MCF2L2: variants seen among roughly 807,000 people sequenced by gnomAD.
MCF2L2 encodes probable guanine nucleotide exchange factor MCF2L2.
MCF2L2 carries 102 observed loss-of-function variants against 150.2 expected under a neutral mutation model. The observed-to-expected ratio is 0.68, with a 90% CI of 0.58 to 0.80. MCF2L2 has a LOEUF of 0.80. Ranked by LOEUF, MCF2L2 falls within the 30% of genes least tolerant of loss-of-function variation. The probability of loss-of-function intolerance (pLI) is 0.00; values close to 1 mark genes in which losing one functional copy is unlikely to be tolerated. For missense variants in MCF2L2, 1,256 were observed against 1,372.8 expected (o/e 0.91, Z 1.34); for synonymous variants, 465 against 491.3 (o/e 0.95, Z 0.71).
chr3:183,373,611 G>C (rs1713017224), intron 3 of MCF2L2: 1 of 152,000 alleles, frequency 6.6e-6, no homozygotes, highest in Admixed American at 6.6e-5. Flanking sequence ...TCCTAGCACA[G>C]ACACTCTCAT....
intron 20 of MCF2L2, among the ~76,000 whole-genome samples, chr3:183,221,092 G>C (rs548354447): frequency 1.8e-4 from 28 of 152,304 alleles, no homozygotes; most frequent in Middle Eastern, 6.8e-3. Flanking sequence ...CCTGGGGATA[G>C]AGAAGGTCCT....
intron 27 of MCF2L2, among the ~76,000 whole-genome samples, chr3:183,187,923 C>G (rs1298451620): frequency 1.3e-5 from 2 of 152,158 alleles, no homozygotes; most frequent in Admixed American, 6.6e-5. Flanking sequence ...TCCCTTTCTC[C>G]TCATGTCAAT....
intron 1 of MCF2L2, among the ~76,000 whole-genome samples, chr3:183,396,022 C>G (rs1714432478): frequency 6.6e-6 from 1 of 151,534 alleles, no homozygotes; most frequent in Non-Finnish European, 1.5e-5. Flanking sequence ...TGCCCAGACC[C>G]TCACTTTGGA....
intron 1 of MCF2L2, among the ~76,000 whole-genome samples, chr3:183,419,261 G>A (rs73186903): frequency 0.085 from 12,918 of 152,222 alleles, 573 homozygotes; most frequent in African/African-American, 0.095. Flanking sequence ...CCCTGGGCCC[G>A]GCCCATACAA....
Position 183,270,090 on chromosome 3 carries a change from C to T in MCF2L2, c.1862+6782G>A. On this transcript the variant is annotated intron_variant, in intron 15 of 29. Transcript: ENST00000328913. The surrounding 1 kb of genome is among the most constrained non-coding windows in gnomAD (Gnocchi z 4.5). ...CCTTTTACTGTTTGTAAAAACTGCT[C>T]CTGAAAACTATGATCGACGTTCCGG... is the stretch of plus-strand genomic sequence containing the variant. 6.2e-7 allele frequency: 1 copy of T among 1,614,100 alleles called. No individual in the cohort carries two copies. Among genetic ancestry groups the T allele is most frequent in the Non-Finnish European group, 8.5e-7 (1 of 1,180,030 alleles).
chr3:183,231,094 G>T, intron 15 of MCF2L2, 77 bp from the exon 16 acceptor site: 1 of 1,087,822 alleles, frequency 9.2e-7, no homozygotes, highest in Non-Finnish European at 1.4e-6. Flanking sequence ...AATTCTGTTA[G>T]AATAATGCTC....
At chr3:183,184,789 T>C (rs1721638370) in intron 27 of MCF2L2, among the ~76,000 whole-genome samples, 1 of 152,258 alleles carries the variant, frequency 6.6e-6, no homozygotes, top group African/African-American at 2.4e-5. Context: ...GTCCAGTGGA[T>C]GGCACAAAGA....
intron 11 of MCF2L2, chr3:183,298,765 G>GCGCGCACGCGCGCGCGCACACACACACA: frequency 7.2e-6 from 1 of 138,500 alleles, no homozygotes; most frequent in Admixed American, 7.0e-5. Context: ...AAACACACAT[G>GCGCGCACGCGCGCGCGCACACACACACA]CACACACACA....
In MCF2L2 at chr3:183,270,711, GGA is replaced by G; in HGVS notation, c.1862+6159_1862+6160del. 1 of 1,613,528 alleles carries G rather than the reference GGA, an allele frequency of 6.2e-7. No individual in the cohort carries two copies. Among genetic ancestry groups the G allele is most frequent in the Non-Finnish European group, 8.5e-7 (1 of 1,179,802 alleles). ...ACCGCAGGACCATGTGTTTTTTTCT[GGA>G]GAGGGTAAAACTCCTTATCATCCCT... On this transcript the variant is annotated intron_variant, in intron 15 of 29. Transcript: ENST00000328913. This position sits in a 1 kb window ranked among gnomAD's most constrained non-coding sequence, Gnocchi z 4.5.
chr3:183,301,657 T>C (rs940042368), intron 10 of MCF2L2, among the ~76,000 whole-genome samples: 2 of 152,044 alleles, frequency 1.3e-5, no homozygotes, highest in Non-Finnish European at 2.9e-5. Context: ...TAGCCAGGCA[T>C]GGCAGCATGC....
chr3:183,331,179 C>T lies in MCF2L2; in HGVS notation c.486+7621G>A, dbSNP rs117095472. Reference sequence around the variant, plus strand: ...GTAACAAAGAGACAATCCTTATACCCCAAAGACTGCAGGAGTTATTCAAAC... The same window carrying T: ...GTAACAAAGAGACAATCCTTATACCTCAAAGACTGCAGGAGTTATTCAAAC... On this transcript the variant is annotated intron_variant, in intron 5 of 29. Coordinates refer to ENST00000328913, the MANE Select transcript of MCF2L2 (RefSeq NM_015078.4). 3.3e-3 allele frequency among the ~76,000 whole-genome samples: 508 copies of T among 152,284 alleles called. 10 individuals carry two copies. The East Asian group carries it at 0.05, about 15-fold the overall frequency.
intron 3 of MCF2L2, chr3:183,373,131 T>C (rs561547516): frequency 6.6e-6 from 1 of 152,326 alleles, no homozygotes; most frequent in Admixed American, 6.5e-5. Context: ...GGATTTATTG[T>C]GCTATTGTTA....
chr3:183,335,509 G>A (rs1730440898), intron 5 of MCF2L2, among the ~76,000 whole-genome samples: 1 of 152,076 alleles, frequency 6.6e-6, no homozygotes, highest in Non-Finnish European at 1.5e-5. Flanking sequence ...ATTGGAAGGT[G>A]GGGCTAGGAG....
intron 20 of MCF2L2, among the ~76,000 whole-genome samples, chr3:183,221,104 G>C (rs1428685224): frequency 6.6e-6 from 1 of 152,180 alleles, no homozygotes; most frequent in Admixed American, 6.5e-5. Context: ...GAAGGTCCTA[G>C]ATAGGATTAC....
At chr3:183,338,687 AC>A (rs2108538605) in intron 5 of MCF2L2, 112 bp downstream of exon 5, 2 of 1,098,740 alleles carry the variant, frequency 1.8e-6, no homozygotes, top group South Asian at 2.0e-5. Flanking sequence ...AGCCCAGAGA[AC>A]CCTTTTCTCC....
At chr3:183,378,102 C>T (rs1713296184) in intron 3 of MCF2L2, 1 of 152,142 alleles carries the variant, frequency 6.6e-6, no homozygotes, top group Non-Finnish European at 1.5e-5. Context: ...TCCTAATCTC[C>T]ACAAGTGGTA....
chr3:183,411,616 CT>C (rs5854983), intron 1 of MCF2L2, among the ~76,000 whole-genome samples: 2,256 of 142,456 alleles, frequency 0.016, 34 homozygotes, highest in African/African-American at 0.041. Flanking sequence ...CTACTTGAAG[CT>C]TTTTTTTTTT....
At chr3:183,321,155 T>C (rs998320090) in intron 6 of MCF2L2, among the ~76,000 whole-genome samples, 1 of 152,098 alleles carries the variant, frequency 6.6e-6, no homozygotes, top group Non-Finnish European at 1.5e-5. Flanking sequence ...ATATAACAGT[T>C]GGCCGGGTGC....
At chr3:183,252,675 T>G (rs1209178507) in intron 15 of MCF2L2, among the ~76,000 whole-genome samples, 1 of 152,202 alleles carries the variant, frequency 6.6e-6, no homozygotes, top group African/African-American at 2.4e-5. Flanking sequence ...AAACCCTGAT[T>G]CGACAATCAT....
Sources: gnomAD v4.1 joint callset for allele counts (sites outside exome capture counted in the v4.1 genomes callset) on GRCh38, gnomAD v4.1.1 for gene constraint, Gnocchi (gnomAD v3.1) non-coding constraint, MANE v1.5 for transcripts, NCBI Gene and HGNC (gene_info 2026-07-23, HGNC 2026-07-21) for gene names.